Variants in TRIM69 observed in about 807,000 individuals in gnomAD.
TRIM69 encodes the protein tripartite motif containing 69.
In TRIM69, 29 loss-of-function variants were observed where a neutral mutation model predicts 37.7. The observed-to-expected ratio is 0.77, with a 90% CI of 0.57 to 1.05. TRIM69 has a LOEUF of 1.05. TRIM69 is among the 50% of genes least tolerant of loss of function. The pLI is 0.00. For synonymous variants in TRIM69, 209 were observed against 212.4 expected, an observed-to-expected ratio of 0.98 and a Z score of 0.14; for missense variants, 596 against 579.9, an observed-to-expected ratio of 1.03 and a Z score of -0.28.
At chr15:44,748,496 G>C (rs1328474472) in intron 1 of TRIM69, among the ~76,000 whole-genome samples, 1 of 152,148 alleles carries the variant, frequency 6.6e-6, no homozygotes, top group Non-Finnish European at 1.5e-5. Flanking sequence ...GCATTATATA[G>C]CATTCTGCAA....
chr15:44,756,535 C>A, intron 3 of TRIM69, 72 bp downstream of exon 3: 1 of 1,019,762 alleles, frequency 9.8e-7, no homozygotes, highest in Non-Finnish European at 1.5e-6. Context: ...GCTATGGGTA[C>A]AAAGGTGCCT....
Position 44,767,827 on chromosome 15 carries a change from T to C in TRIM69, c.*55T>C. On this transcript the variant is annotated 3_prime_UTR_variant, in exon 7 of 7. Coordinates refer to ENST00000329464, the MANE Select transcript of TRIM69 (RefSeq NM_182985.5). The stretch of plus-strand genomic sequence containing the variant: ...GTTATTAAAGAGGTATTGAAATATT[T>C]TACCAGTCTCACTGGATTCTCTTCT... 1 of 1,496,060 alleles carries C rather than the reference T, an allele frequency of 6.7e-7. No homozygotes were observed. The highest frequency in any genetic ancestry group is 2.0e-5 in the Admixed American group (1 of 49,380). The allele number at this position is 1,496,060 out of a possible 1,614,324, so 92.7% of individuals were successfully genotyped here.
At chr15:44,740,273 G>A (rs530554364) in intron 1 of TRIM69, among the ~76,000 whole-genome samples, 4 of 152,290 alleles carry the variant, frequency 2.6e-5, no homozygotes, top group African/African-American at 9.6e-5. Flanking sequence ...AAACCGCAAA[G>A]ATGGGGAAAA....
intron 6 of TRIM69, among the ~76,000 whole-genome samples, chr15:44,762,676 AT>A (rs1208478490): frequency 6.6e-6 from 1 of 151,924 alleles, no homozygotes; most frequent in African/African-American, 2.4e-5. Context: ...TTTTATATAC[AT>A]TTCATTTCTA....
chr15:44,758,998 C>A, intron 4 of TRIM69, 144 bp downstream of exon 4: 1 of 1,127,022 alleles, frequency 8.9e-7, no homozygotes, highest in Non-Finnish European at 1.2e-6. Flanking sequence ...TTAAGATTCT[C>A]TGGAAGAAAA....
At chr15:44,749,581 T>C (rs2087478362) in intron 1 of TRIM69, among the ~76,000 whole-genome samples, 1 of 152,248 alleles carries the variant, frequency 6.6e-6, no homozygotes, top group South Asian at 2.1e-4. Context: ...CTTTTCTGAC[T>C]GAATAATCTT....
intron 1 of TRIM69, among the ~76,000 whole-genome samples, chr15:44,749,852 A>G (rs1031973462): frequency 6.6e-6 from 1 of 152,238 alleles, no homozygotes; most frequent in Non-Finnish European, 1.5e-5. Flanking sequence ...CTCAATTAAC[A>G]ATGTACAAGA....
At chr15:44,756,677 C>A in intron 3 of TRIM69, 1 of 425,752 alleles carries the variant, frequency 2.3e-6, no homozygotes, top group Non-Finnish European at 4.2e-6. Context: ...AACCTTTCCC[C>A]TAATATGCTG....
At chr15:44,745,923 T>C (rs1378509542) in intron 1 of TRIM69, among the ~76,000 whole-genome samples, 2 of 152,088 alleles carry the variant, frequency 1.3e-5, no homozygotes, top group African/African-American at 4.8e-5. Context: ...TTATGCATAG[T>C]TGGAGTCCCA....
chr15:44,750,954 T>TTA (rs1317006308), intron 1 of TRIM69, among the ~76,000 whole-genome samples: 5 of 123,806 alleles, frequency 4.0e-5, no homozygotes, highest in African/African-American at 1.7e-4. Context: ...TTTTGCCTTT[T>TTA]TTTTTTTTTT....
In TRIM69 at chr15:44,750,715, CTTTTTTTTTTTTTTT is replaced by C. The variant is rs869059418; in HGVS notation, c.7-4172_7-4158del. ...TCGCATTTTTATTTCATTACTTTTT[CTTTTTTTTTTTTTTT>C]TTTTTTTTTTTTGAGACGGAGTCTC... On this transcript the variant is annotated intron_variant, in intron 1 of 6. Coordinates refer to ENST00000329464, the MANE Select transcript of TRIM69 (RefSeq NM_182985.5). 1.4e-4 allele frequency among the ~76,000 whole-genome samples: 14 copies of C among 102,838 alleles called. 1 individual carries two copies. The highest frequency in any genetic ancestry group is 3.9e-4 in the African/African-American group (10 of 25,874). 67.5% of individuals were successfully genotyped at this position (102,838 alleles called of 152,430 possible).
chr15:44,760,978 T>C (rs2087762348), intron 6 of TRIM69, among the ~76,000 whole-genome samples: 1 of 151,804 alleles, frequency 6.6e-6, no homozygotes, highest in African/African-American at 2.4e-5. Context: ...AGTGCAGTGG[T>C]GCCATCTCTG....
At chr15:44,753,395 G>GGT (rs1226251360) in intron 1 of TRIM69, 1 of 152,196 alleles carries the variant, frequency 6.6e-6, no homozygotes, top group Non-Finnish European at 1.5e-5. Context: ...TGGGATTACA[G>GGT]GTGTGAGCTA....
chr15:44,747,571 C>T (rs932787037), intron 1 of TRIM69, among the ~76,000 whole-genome samples: 3 of 152,112 alleles, frequency 2.0e-5, no homozygotes, highest in African/African-American at 7.2e-5. Context: ...TGAGAAGCGT[C>T]AACATCTGTC....
intron 6 of TRIM69, among the ~76,000 whole-genome samples, chr15:44,760,523 T>C (rs1294664328): frequency 2.0e-5 from 3 of 152,186 alleles, no homozygotes; most frequent in Non-Finnish European, 4.4e-5. Flanking sequence ...ATTATTATTG[T>C]TTATGGTTAT....
chr15:44,748,535 T>C (rs1167146781), intron 1 of TRIM69, among the ~76,000 whole-genome samples: 1 of 152,120 alleles, frequency 6.6e-6, no homozygotes, highest in Non-Finnish European at 1.5e-5. Context: ...ATAAAAATTC[T>C]GGCTCTGGGC....
At chr15:44,736,831 A>C (rs1397944598) in intron 1 of TRIM69, 121 bp downstream of exon 1, 7 of 1,145,360 alleles carry the variant, frequency 6.1e-6, no homozygotes, top group African/African-American at 1.6e-5. Context: ...GAAGTATTTA[A>C]CTTGTGACAG....
At chr15:44,751,672 A>T (rs886281079) in intron 1 of TRIM69, among the ~76,000 whole-genome samples, 2 of 152,080 alleles carry the variant, frequency 1.3e-5, no homozygotes, top group Admixed American at 6.5e-5. Context: ...TTTTTGATGT[A>T]GGTGTTTATA....
At chr15:44,739,648 A>G (rs969110476) in intron 1 of TRIM69, among the ~76,000 whole-genome samples, 12 of 152,198 alleles carry the variant, frequency 7.9e-5, no homozygotes, top group Non-Finnish European at 1.5e-4. Flanking sequence ...GTCTGAGATC[A>G]AACTGCAAGG....
Sources: gnomAD v4.1 joint callset for allele counts (sites outside exome capture counted in the v4.1 genomes callset) on GRCh38, gnomAD v4.1.1 for gene constraint, MANE v1.5 for transcripts, NCBI Gene and HGNC (gene_info 2026-07-23, HGNC 2026-07-21) for gene names.